Variants in TFCP2L1 observed in about 807,000 individuals in gnomAD.
The protein encoded by TFCP2L1 is transcription factor CP2-like protein 1.
A neutral mutation model predicts 72.2 loss-of-function variants in TFCP2L1; 12 were observed. The observed-to-expected ratio is 0.17, with a 90% CI of 0.11 to 0.27. The LOEUF (loss-of-function observed/expected upper bound fraction) is 0.27, where lower values mean the gene tolerates loss of function less well. TFCP2L1 is among the 10% of genes least tolerant of loss of function. The pLI is 1.00. For missense variants in TFCP2L1, 488 were observed against 624.6 expected (o/e 0.78, Z 2.33); for synonymous variants, 260 against 251.0 (o/e 1.04, Z -0.34).
chr2:121,236,278 C>T (rs533437024), intron 10 of TFCP2L1, among the ~76,000 whole-genome samples: 45 of 152,242 alleles, frequency 3.0e-4, no homozygotes, highest in African/African-American at 1.0e-3. Context: ...GAGAGGGCTG[C>T]GGGATCACAG....
intron 2 of TFCP2L1, among the ~76,000 whole-genome samples, chr2:121,264,761 T>C (rs1686896189): frequency 6.6e-6 from 1 of 152,228 alleles, no homozygotes. Context: ...CTCTGCTTTA[T>C]GAGGCTGGCA....
chr2:121,235,547 T>TGCC (rs1380016272), intron 10 of TFCP2L1, among the ~76,000 whole-genome samples: 4 of 151,272 alleles, frequency 2.6e-5, no homozygotes, highest in African/African-American at 7.3e-5. Flanking sequence ...ACTGCCTCAT[T>TGCC]GCCTGCCCTG....
intron 2 of TFCP2L1, among the ~76,000 whole-genome samples, chr2:121,280,034 C>T (rs1687223923): frequency 6.6e-6 from 1 of 152,124 alleles, no homozygotes; most frequent in South Asian, 2.1e-4. Context: ...ATGATAGAAC[C>T]ACAAAAACAC....
At chr2:121,284,708 G>T (rs1687330539) in intron 1 of TFCP2L1, among the ~76,000 whole-genome samples, 1 of 152,186 alleles carries the variant, frequency 6.6e-6, no homozygotes, top group South Asian at 2.1e-4. Flanking sequence ...TCCGATACGC[G>T]GGGGAGAGGA....
chr2:121,252,646 C>T (rs1686634404), intron 2 of TFCP2L1, among the ~76,000 whole-genome samples: 1 of 152,118 alleles, frequency 6.6e-6, no homozygotes, highest in Admixed American at 6.5e-5. Flanking sequence ...GGTCACGAGT[C>T]AAGGAAGCCT....
At chr2:121,251,077 T>G (rs1454548203) in intron 2 of TFCP2L1, among the ~76,000 whole-genome samples, 1 of 151,704 alleles carries the variant, frequency 6.6e-6, no homozygotes, top group Non-Finnish European at 1.5e-5. Context: ...CTGACCAGTA[T>G]AGTGAAACCC....
intron 13 of TFCP2L1, among the ~76,000 whole-genome samples, chr2:121,226,113 AC>A (rs1686028072): frequency 6.7e-6 from 1 of 150,372 alleles, no homozygotes; most frequent in Non-Finnish European, 1.5e-5. Flanking sequence ...GTCTACACAC[AC>A]GGGAACACGG....
At chr2:121,241,554 G>A (rs1686368205) in intron 7 of TFCP2L1, among the ~76,000 whole-genome samples, 1 of 151,670 alleles carries the variant, frequency 6.6e-6, no homozygotes, top group African/African-American at 2.4e-5. Context: ...GAGTTCCCAT[G>A]GACATATGGA....
At chr2:121,262,914 CTCTT>C (rs1386138404) in intron 2 of TFCP2L1, among the ~76,000 whole-genome samples, 4 of 151,814 alleles carry the variant, frequency 2.6e-5, no homozygotes, top group African/African-American at 9.7e-5. Context: ...GGAATATTAT[CTCTT>C]TTTTCTATAT....
chr2:121,280,425 G>A (rs1687231727), intron 2 of TFCP2L1, among the ~76,000 whole-genome samples: 1 of 152,158 alleles, frequency 6.6e-6, no homozygotes, highest in African/African-American at 2.4e-5. Flanking sequence ...ACGGTACTCA[G>A]TGTATGTCTT....
At position 121,222,651 on chromosome 2, in the gene TFCP2L1, G is replaced by C. The variant is rs113145574; in HGVS notation, c.*1690C>G. ...TGGACTGCAGGAGTTAGGAAAGCAG[G>C]AGTGACAGACCAAGGGTACGGGGTT... is the stretch of plus-strand genomic sequence containing the variant. On this transcript the variant is annotated 3_prime_UTR_variant, in exon 15 of 15. Transcript: ENST00000263707. 3.9e-5 allele frequency: 6 copies of C among 152,212 alleles called. No homozygotes were observed. The highest frequency in any genetic ancestry group is 1.4e-4 in the African/African-American group (6 of 41,452). The allele number at this position is 152,212 out of a possible 1,614,324, so 9.4% of individuals were successfully genotyped here. A position where few individuals can be genotyped will look rare whatever the true frequency, so the allele number is the denominator to read the frequency against.
intron 8 of TFCP2L1, 146 bp downstream of exon 8, chr2:121,239,412 A>G (rs1573366162): frequency 1.2e-6 from 1 of 862,444 alleles, no homozygotes; most frequent in Middle Eastern, 2.2e-4. Flanking sequence ...AGTTGTGTAA[A>G]TGCTGAAGAC....
At chr2:121,266,684 C>T (rs1025252824) in intron 2 of TFCP2L1, among the ~76,000 whole-genome samples, 1 of 152,086 alleles carries the variant, frequency 6.6e-6, no homozygotes, top group Non-Finnish European at 1.5e-5. Flanking sequence ...CGTTCTCAAT[C>T]GAGGAAGTCT....
In TFCP2L1 at chr2:121,224,226, G is replaced by T; in HGVS notation, c.*115C>A. ...CTGTAGCTTTCACAGACTGGGCAGG[G>T]TCCCTCCTGGCCTCAGCTTGCCTGG... On this transcript the variant is annotated 3_prime_UTR_variant, in exon 15 of 15. Transcript: ENST00000263707. 8.3e-7 allele frequency: 1 copy of T among 1,211,194 alleles called. No individual in the cohort carries two copies. The highest frequency in any genetic ancestry group is 1.3e-5 in the South Asian group (1 of 75,430). The allele number at this position is 1,211,194 out of a possible 1,614,324, so 75.0% of individuals were successfully genotyped here. A position where few individuals can be genotyped will look rare whatever the true frequency, so the allele number is the denominator to read the frequency against.
intron 2 of TFCP2L1, among the ~76,000 whole-genome samples, chr2:121,261,926 G>A (rs926208269): frequency 2.6e-5 from 4 of 152,170 alleles, no homozygotes; most frequent in Admixed American, 1.3e-4. Context: ...CTGGGGATAC[G>A]ATGTCACTTC....
At chr2:121,274,327 C>G (rs955509745) in intron 2 of TFCP2L1, among the ~76,000 whole-genome samples, 5 of 152,230 alleles carry the variant, frequency 3.3e-5, no homozygotes, top group Admixed American at 2.6e-4. Flanking sequence ...CATCCCTAAT[C>G]CAAAAATCCA....
At chr2:121,232,232 A>G (rs2953081) in intron 12 of TFCP2L1, among the ~76,000 whole-genome samples, 100,523 of 151,862 alleles carry the variant, frequency 0.66, 33,744 homozygotes, top group East Asian at 0.74. Context: ...TCCATCTCCT[A>G]GATTCAAGTG....
intron 6 of TFCP2L1, 54 bp downstream of exon 6, chr2:121,246,764 G>A (rs1466722441): frequency 6.2e-7 from 1 of 1,606,236 alleles, no homozygotes; most frequent in East Asian, 2.2e-5. Context: ...GGGCGAATGT[G>A]ACCACAGGCC....
chr2:121,228,772 C>CAAAAAAAAAA (rs59300568), intron 13 of TFCP2L1, among the ~76,000 whole-genome samples: 4 of 58,178 alleles, frequency 6.9e-5, no homozygotes, highest in Non-Finnish European at 8.4e-5. Flanking sequence ...CCGTGACTCA[C>CAAAAAAAAAA]AAAAAAAAAA....
Sources: allele counts gnomAD v4.1 joint callset (sites outside exome capture counted in the v4.1 genomes callset), GRCh38; gene constraint gnomAD v4.1.1; transcripts MANE v1.5; gene names NCBI Gene and HGNC (gene_info 2026-07-23, HGNC 2026-07-21).